The following TBCK variants were observed in gnomAD, a reference collection of about 807,000 sequenced individuals.
TBCK encodes TBC domain-containing protein kinase-like protein.
TBCK carries 99 observed loss-of-function variants against 113.4 expected under a neutral mutation model. The observed-to-expected ratio is 0.87, with a 90% CI of 0.74 to 1.03. The LOEUF (loss-of-function observed/expected upper bound fraction) is 1.03, where lower values mean the gene tolerates loss of function less well. Ranked by LOEUF, TBCK falls within the 50% of genes least tolerant of loss-of-function variation. TBCK has a pLI of 0.00. For missense variants in TBCK, 1,045 were observed against 1,061.3 expected, an observed-to-expected ratio of 0.98 and a Z score of 0.21; for synonymous variants, 369 against 370.8, an observed-to-expected ratio of 1.00 and a Z score of 0.05.
intron 23 of TBCK, among the ~76,000 whole-genome samples, chr4:106,154,882 T>A (rs1022769297): frequency 6.6e-6 from 1 of 152,172 alleles, no homozygotes; most frequent in Non-Finnish European, 1.5e-5. Context: ...CTAGTTAGTA[T>A]AAGAGTAGTT....
chr4:106,148,136 C>T (rs1748043465), intron 23 of TBCK, among the ~76,000 whole-genome samples: 1 of 152,214 alleles, frequency 6.6e-6, no homozygotes, highest in Non-Finnish European at 1.5e-5. Context: ...AAGATGTTAT[C>T]AATGACAATG....
chr4:106,073,278 G>GT (rs1737716760), intron 25 of TBCK, among the ~76,000 whole-genome samples: 1 of 152,154 alleles, frequency 6.6e-6, no homozygotes, highest in Non-Finnish European at 1.5e-5. Context: ...TACAGATGGG[G>GT]TTTTGGTGTG....
intron 11 of TBCK, among the ~76,000 whole-genome samples, chr4:106,244,113 T>C (rs1760484659): frequency 2.0e-5 from 3 of 152,168 alleles, no homozygotes; most frequent in Admixed American, 2.0e-4. Flanking sequence ...TAACTTCCAG[T>C]CTAATTTCTA....
chr4:106,315,019 G>A (rs1768630481), intron 1 of TBCK, among the ~76,000 whole-genome samples: 1 of 152,064 alleles, frequency 6.6e-6, no homozygotes, highest in Admixed American at 6.5e-5. Flanking sequence ...ACACTAATTA[G>A]CATAATCAGT....
chr4:106,268,595 GC>G (rs1000810442), intron 3 of TBCK, among the ~76,000 whole-genome samples: 1 of 151,888 alleles, frequency 6.6e-6, no homozygotes, highest in Non-Finnish European at 1.5e-5. Context: ...TCACCCAATG[GC>G]TATCCACAAA....
chr4:106,272,012 G>A (rs1429325677), intron 3 of TBCK, among the ~76,000 whole-genome samples: 1 of 152,126 alleles, frequency 6.6e-6, no homozygotes, highest in African/African-American at 2.4e-5. Context: ...GTTCCCAGGT[G>A]ATAATGATGA....
chr4:106,274,203 A>G (rs1040051662), intron 3 of TBCK, among the ~76,000 whole-genome samples: 1 of 152,208 alleles, frequency 6.6e-6, no homozygotes, highest in Admixed American at 6.5e-5. Context: ...GAAAAATAAC[A>G]AATGTTGGTA....
At chr4:106,177,003 G>C (rs1403096116) in intron 22 of TBCK, among the ~76,000 whole-genome samples, 5 of 150,484 alleles carry the variant, frequency 3.3e-5, no homozygotes, top group African/African-American at 1.2e-4. Flanking sequence ...AGTTACCCAG[G>C]TTAGAGTGTA....
intron 12 of TBCK, among the ~76,000 whole-genome samples, chr4:106,239,508 G>C (rs543373901): frequency 6.6e-6 from 1 of 152,086 alleles, no homozygotes; most frequent in African/African-American, 2.4e-5. Flanking sequence ...AAGAATACAA[G>C]GGATAGGTGT....
chr4:106,180,976 A>G (rs1752297612), intron 22 of TBCK, among the ~76,000 whole-genome samples: 2 of 151,922 alleles, frequency 1.3e-5, no homozygotes, highest in South Asian at 2.1e-4. Context: ...ACTAATTTAC[A>G]CTCCCACCAA....
chr4:106,205,587 CAAAAAAAAAAAAAAAAAAAAAAA>C (rs70941240), intron 20 of TBCK, among the ~76,000 whole-genome samples: 1 of 64,200 alleles, frequency 1.6e-5, no homozygotes, highest in Non-Finnish European at 2.9e-5. Context: ...ACTAAAAATA[CAAAAAAAAAAAAAAAAAAAAAAA>C]AAAAAATTAG....
chr4:106,123,073 A>G (rs1471931554), intron 23 of TBCK, among the ~76,000 whole-genome samples: 2 of 152,250 alleles, frequency 1.3e-5, no homozygotes, highest in African/African-American at 4.8e-5. Context: ...TTAGGAAAAG[A>G]GGAAGTCACA....
In TBCK at chr4:106,171,153, C is replaced by T. The variant is rs759892485; in HGVS notation, c.2177G>A (p.Gly726Asp). Residue 726 changes from glycine (G) to aspartate (D), a missense_variant, in exon 23 of 26, where the codon GGC becomes GAC. By Grantham distance (94) the Gly-to-Asp change is moderately conservative. Transcript: ENST00000394708. ...AGAGAAATAAGGTGCCGAACTTCTG[C>T]CTCCACTGCTGTCAGAAGATGGCTT... ...PPKPSSDSSG[G>D]RSSAPYFSAE... is the part of the protein sequence containing the mutation. 4 of 1,612,664 alleles carry T rather than the reference C, an allele frequency of 2.5e-6. No homozygotes were observed. The highest frequency in any genetic ancestry group is 1.3e-5 in the African/African-American group (1 of 74,918).
At chr4:106,311,367 G>A (rs761637090) in intron 1 of TBCK, among the ~76,000 whole-genome samples, 12 of 151,840 alleles carry the variant, frequency 7.9e-5, no homozygotes, top group Non-Finnish European at 1.8e-4. Flanking sequence ...TTATTCACCT[G>A]TATACATAAT....
chr4:106,266,823 A>G (rs1763037037), intron 3 of TBCK, among the ~76,000 whole-genome samples: 1 of 151,928 alleles, frequency 6.6e-6, no homozygotes, highest in African/African-American at 2.4e-5. Flanking sequence ...TTATGTACTT[A>G]CTAGCTTTTT....
chr4:106,284,653 T>C (rs1363393168), intron 3 of TBCK, among the ~76,000 whole-genome samples: 1 of 152,172 alleles, frequency 6.6e-6, no homozygotes, highest in African/African-American at 2.4e-5. Flanking sequence ...GCCAAAACTC[T>C]GCTGAATATC....
At chr4:106,255,839 G>C (rs1761928372) in intron 5 of TBCK, among the ~76,000 whole-genome samples, 1 of 152,186 alleles carries the variant, frequency 6.6e-6, no homozygotes, top group Non-Finnish European at 1.5e-5. Context: ...GCAAGGTGAA[G>C]AGATTTATTG....
At chr4:106,248,189 C>A in intron 9 of TBCK, 56 bp downstream of exon 9, 1 of 1,236,052 alleles carries the variant, frequency 8.1e-7, no homozygotes, top group Non-Finnish European at 1.1e-6. Context: ...AGAAAAAAAC[C>A]AATTGCTTAT....
chr4:106,193,842 C>A (rs988667312), intron 21 of TBCK, 72 bp from the exon 22 acceptor site: 179 of 1,011,136 alleles, frequency 1.8e-4, no homozygotes, highest in Non-Finnish European at 2.4e-4. Flanking sequence ...ACTTACTTTA[C>A]TAGTTCTATA....
Sources: allele counts gnomAD v4.1 joint callset (sites outside exome capture counted in the v4.1 genomes callset), GRCh38; gene constraint gnomAD v4.1.1; transcripts MANE v1.5; gene names NCBI Gene and HGNC (gene_info 2026-07-23, HGNC 2026-07-21).